CSMD1: variants seen among roughly 807,000 people sequenced by gnomAD.
The protein encoded by CSMD1 is CUB and Sushi multiple domains 1.
Under a neutral mutation model 417.5 loss-of-function variants are expected in CSMD1, and 213 were observed. The ratio of observed to expected loss-of-function variants is 0.51; its 90% CI spans 0.46 to 0.57. The LOEUF is 0.57. Among genes scored for constraint, CSMD1 ranks in the 20% least tolerant of loss-of-function variants. The pLI, the probability that CSMD1 is intolerant of heterozygous loss-of-function variation, is 0.00. For missense variants in CSMD1, 6,923 were observed against 4,529.7 expected (o/e 1.53, Z -15.17); for synonymous variants, 2,862 against 1,736.8 (o/e 1.65, Z -16.11).
At chr8:4,509,115 T>A (rs1027619536) in intron 2 of CSMD1, among the ~76,000 whole-genome samples, 1 of 152,118 alleles carries the variant, frequency 6.6e-6, no homozygotes, top group Non-Finnish European at 1.5e-5. Flanking sequence ...ATACTTGGAA[T>A]GATAAATGAA....
At chr8:3,806,436 C>G (rs1391566251) in intron 5 of CSMD1, among the ~76,000 whole-genome samples, 1 of 152,148 alleles carries the variant, frequency 6.6e-6, no homozygotes, top group East Asian at 1.9e-4. Flanking sequence ...ACGGCCATGG[C>G]CTGAATAATG....
intron 5 of CSMD1, among the ~76,000 whole-genome samples, chr8:3,965,964 A>T (rs1207090812): frequency 6.6e-6 from 1 of 152,234 alleles, no homozygotes; most frequent in Non-Finnish European, 1.5e-5. Flanking sequence ...GTCTTTTGAG[A>T]AAGCATAATT....
At chr8:3,412,485 T>G (rs2116933782) in intron 12 of CSMD1, among the ~76,000 whole-genome samples, 1 of 152,252 alleles carries the variant, frequency 6.6e-6, no homozygotes, top group African/African-American at 2.4e-5. Context: ...AAACTTTACT[T>G]CTAAGTGTCT....
In CSMD1 at chr8:3,586,270, T is replaced by C. The variant is rs757021471; in HGVS notation, c.1098-10A>G. Reference sequence around the variant, plus strand: ...TACATTTGCACCAACCCTAAGCCGTTAAAAAAGAAAAAAAAAAACCCAAAT... The same window carrying C: ...TACATTTGCACCAACCCTAAGCCGTCAAAAAAGAAAAAAAAAAACCCAAAT... On this transcript the variant is annotated splice_polypyrimidine_tract_variant and intron_variant, in intron 8 of 69. Transcript: ENST00000635120. 8.9e-6 allele frequency: 12 copies of C among 1,343,514 alleles called. No homozygotes were observed. The South Asian group carries it at 2.1e-4, about 24-fold the overall frequency. 83.2% of individuals were successfully genotyped at this position (1,343,514 alleles called of 1,614,324 possible). A position where few individuals can be genotyped will look rare whatever the true frequency, so the allele number is the denominator to read the frequency against.
intron 3 of CSMD1, among the ~76,000 whole-genome samples, chr8:4,231,518 T>A (rs925549593): frequency 4.5e-4 from 6 of 13,402 alleles, no homozygotes; most frequent in Admixed American, 3.7e-3. Context: ...ATAAGAAAGG[T>A]CTGTAATTTT....
intron 3 of CSMD1, among the ~76,000 whole-genome samples, chr8:4,040,385 A>G (rs561193641): frequency 1.3e-5 from 2 of 152,194 alleles, no homozygotes; most frequent in Admixed American, 6.5e-5. Context: ...ACAAACAAAA[A>G]CATGCTGCAG....
intron 3 of CSMD1, among the ~76,000 whole-genome samples, chr8:4,044,452 A>C (rs1798044754): frequency 6.6e-6 from 1 of 152,108 alleles, no homozygotes; most frequent in South Asian, 2.1e-4. Context: ...AAGCTGCTTA[A>C]CTCGATTTAA....
chr8:3,424,660 TTC>T (rs1330762517), intron 12 of CSMD1, among the ~76,000 whole-genome samples: 2 of 152,254 alleles, frequency 1.3e-5, no homozygotes, highest in Non-Finnish European at 2.9e-5. Context: ...AAATGTGTGT[TTC>T]TGTGATTACA....
intron 1 of CSMD1, among the ~76,000 whole-genome samples, chr8:4,829,866 G>A (rs1184723735): frequency 6.6e-6 from 1 of 152,142 alleles, no homozygotes; most frequent in African/African-American, 2.4e-5. Context: ...TGGTCAGAGT[G>A]GTACAAAGTT....
At chr8:4,779,307 T>C (rs1242920328) in intron 1 of CSMD1, among the ~76,000 whole-genome samples, 2 of 152,158 alleles carry the variant, frequency 1.3e-5, no homozygotes, top group East Asian at 1.9e-4. Context: ...TTTCACAATA[T>C]ATTTATTTTT....
At chr8:3,959,995 G>C (rs1178231183) in intron 5 of CSMD1, among the ~76,000 whole-genome samples, 4 of 152,216 alleles carry the variant, frequency 2.6e-5, no homozygotes, top group Non-Finnish European at 4.4e-5. Flanking sequence ...GTTAATCACA[G>C]TATGTGCGTG....
chr8:3,420,608 C>CA (rs1813429666), intron 12 of CSMD1, among the ~76,000 whole-genome samples: 1 of 152,040 alleles, frequency 6.6e-6, no homozygotes, highest in Non-Finnish European at 1.5e-5. Flanking sequence ...ACTTTAAAAT[C>CA]AAAAATGTTA....
chr8:3,282,758 T>G (rs557922813), intron 26 of CSMD1, among the ~76,000 whole-genome samples: 1 of 152,264 alleles, frequency 6.6e-6, no homozygotes, highest in African/African-American at 2.4e-5. Context: ...TAACCAGAGG[T>G]AAGAAATTGT....
chr8:4,945,322 A>G (rs1297703364), intron 1 of CSMD1, among the ~76,000 whole-genome samples: 1 of 152,146 alleles, frequency 6.6e-6, no homozygotes, highest in Non-Finnish European at 1.5e-5. Flanking sequence ...GAGATGGATG[A>G]TGTGGTTGAT....
intron 2 of CSMD1, among the ~76,000 whole-genome samples, chr8:4,459,965 T>G (rs1208655751): frequency 1.3e-5 from 2 of 152,136 alleles, no homozygotes; most frequent in Admixed American, 1.3e-4. Context: ...CAGAACAATC[T>G]AGCCAAAATG....
intron 50 of CSMD1, among the ~76,000 whole-genome samples, chr8:3,037,169 G>A (rs1019150925): frequency 5.9e-5 from 9 of 152,032 alleles, no homozygotes; most frequent in Non-Finnish European, 1.3e-4. Flanking sequence ...CCTTTTTATG[G>A]CTGAGCAGTA....
chr8:3,659,481 C>T (rs901359889), intron 7 of CSMD1, among the ~76,000 whole-genome samples: 1 of 152,118 alleles, frequency 6.6e-6, no homozygotes, highest in Non-Finnish European at 1.5e-5. Context: ...GAAGCAGATG[C>T]GTTTCACTTA....
chr8:3,189,838 A>G, intron 34 of CSMD1, 74 bp downstream of exon 34: 1 of 1,352,064 alleles, frequency 7.4e-7, no homozygotes, highest in South Asian at 1.3e-5. Flanking sequence ...CGTAGCCTGG[A>G]TAGAAACATG....
intron 52 of CSMD1, among the ~76,000 whole-genome samples, chr8:3,012,373 C>T (rs1241858639): frequency 6.6e-6 from 1 of 152,152 alleles, no homozygotes; most frequent in Non-Finnish European, 1.5e-5. Context: ...CTCATCCATT[C>T]CTGTGTTTGG....
Sources: allele counts gnomAD v4.1 joint callset (sites outside exome capture counted in the v4.1 genomes callset), GRCh38; gene constraint gnomAD v4.1.1; transcripts MANE v1.5; gene names NCBI Gene and HGNC (gene_info 2026-07-23, HGNC 2026-07-21).